AUTS2: variants seen among roughly 807,000 people sequenced by gnomAD.
AUTS2 encodes activator of transcription and developmental regulator AUTS2.
A neutral mutation model predicts 112.4 loss-of-function variants in AUTS2; 17 were observed. That is an observed-to-expected ratio of 0.15 (90% confidence interval 0.10 to 0.23). The LOEUF is 0.23. AUTS2 is among the 10% of genes least tolerant of loss of function. The pLI is 1.00. For synonymous variants in AUTS2, 751 were observed against 702.7 expected (o/e 1.07, Z -1.09); for missense variants, 1,510 against 1,701.6 (o/e 0.89, Z 1.98).
At chr7:69,985,390 A>G (rs1375224657) in intron 2 of AUTS2, among the ~76,000 whole-genome samples, 1 of 152,170 alleles carries the variant, frequency 6.6e-6, no homozygotes, top group Non-Finnish European at 1.5e-5. Flanking sequence ...TGGTACAAAC[A>G]ACGGGGTGGA....
chr7:70,442,560 G>A (rs971896329), intron 5 of AUTS2, among the ~76,000 whole-genome samples: 4 of 152,004 alleles, frequency 2.6e-5, no homozygotes, highest in East Asian at 1.9e-4. Context: ...GCGCAGTCTC[G>A]GTTCACTGAA....
intron 10 of AUTS2, 86 bp downstream of exon 10, chr7:70,768,154 C>A (rs1003898002): frequency 4.7e-6 from 6 of 1,271,686 alleles, no homozygotes; most frequent in Non-Finnish European, 6.6e-6. Flanking sequence ...TGACTAGCAG[C>A]CTTCCTTAAT....
At chr7:70,610,221 A>T (rs1804015384) in intron 5 of AUTS2, among the ~76,000 whole-genome samples, 1 of 151,548 alleles carries the variant, frequency 6.6e-6, no homozygotes, top group African/African-American at 2.4e-5. Flanking sequence ...CTGGTCTCGA[A>T]CTCCTGGCAT....
chr7:70,496,203 ACAT>A (rs1798489825), intron 5 of AUTS2, among the ~76,000 whole-genome samples: 1 of 119,950 alleles, frequency 8.3e-6, no homozygotes, highest in Non-Finnish European at 1.7e-5. Flanking sequence ...TGCACACGTC[ACAT>A]CAGCATCGAT....
intron 5 of AUTS2, among the ~76,000 whole-genome samples, chr7:70,645,453 GGTGCTGCAGCAGCCTTT>G (rs1267936968): frequency 1.3e-5 from 2 of 152,084 alleles, no homozygotes; most frequent in East Asian, 3.9e-4. Context: ...CAGATGGTCT[GGTGCTGCAGCAGCCTTT>G]CAGAATTAAT....
intron 2 of AUTS2, among the ~76,000 whole-genome samples, chr7:70,029,221 G>A (rs2129556268): frequency 6.7e-6 from 1 of 150,196 alleles, no homozygotes; most frequent in Non-Finnish European, 1.5e-5. Flanking sequence ...TCAGAGCAGT[G>A]CCAGACACAC....
intron 2 of AUTS2, among the ~76,000 whole-genome samples, chr7:70,016,606 G>A (rs1800038684): frequency 6.6e-6 from 1 of 151,788 alleles, no homozygotes; most frequent in African/African-American, 2.4e-5. Flanking sequence ...ACTCCTTTCT[G>A]CTCATACATT....
At chr7:70,090,009 C>CAAATAAATAAATAAATAAAT (rs34279658) in intron 2 of AUTS2, among the ~76,000 whole-genome samples, 2 of 144,360 alleles carry the variant, frequency 1.4e-5, no homozygotes, top group South Asian at 2.2e-4. Flanking sequence ...TGTTTCAAAA[C>CAAATAAATAAATAAATAAAT]AAATAAATAA....
intron 2 of AUTS2, among the ~76,000 whole-genome samples, chr7:69,970,892 G>T (rs1797822243): frequency 6.6e-6 from 1 of 152,192 alleles, no homozygotes; most frequent in Non-Finnish European, 1.5e-5. Flanking sequence ...TTTATTCCCT[G>T]TTGGGTGTTG....
intron 4 of AUTS2, chr7:70,290,372 C>A: frequency 6.7e-7 from 1 of 1,495,592 alleles, no homozygotes; most frequent in Admixed American, 2.7e-5. Flanking sequence ...TTTCAGAGAT[C>A]AGGGAAGATG....
chr7:70,160,420 TC>T (rs1406170484), intron 4 of AUTS2, among the ~76,000 whole-genome samples: 1 of 152,188 alleles, frequency 6.6e-6, no homozygotes, highest in Non-Finnish European at 1.5e-5. Flanking sequence ...GACTTTGATG[TC>T]AGATTTCACC....
intron 4 of AUTS2, among the ~76,000 whole-genome samples, chr7:70,296,115 A>C (rs965624509): frequency 1.3e-5 from 2 of 152,112 alleles, no homozygotes; most frequent in African/African-American, 4.8e-5. Context: ...ACTAGAACCC[A>C]TTTCTAGAGG....
At chr7:69,949,368 C>G (rs2129545777) in intron 2 of AUTS2, among the ~76,000 whole-genome samples, 1 of 152,246 alleles carries the variant, frequency 6.6e-6, no homozygotes, top group South Asian at 2.1e-4. Flanking sequence ...ACGAATCATC[C>G]CATCCAGTTC....
At position 70,579,244 on chromosome 7, in the gene AUTS2, T is replaced by TAAAAAAAAAAAAAAAAAAAAAA. The variant is rs10611601; in HGVS notation, c.691-119307_691-119306insAAAAAAAAAAAAAAAAAAAAAA. ...ATGCCCAGCCTTATATTCTCTTTTC[T>TAAAAAAAAAAAAAAAAAAAAAA]AAAAAAAAAAAAAAAAAAGATGAAG... On this transcript the variant is annotated intron_variant, in intron 5 of 18. Transcript: ENST00000342771. Among the ~76,000 whole-genome samples the TAAAAAAAAAAAAAAAAAAAAAA allele has an allele frequency of 9.3e-3, 517 of 55,744 alleles. 68 individuals are homozygous for TAAAAAAAAAAAAAAAAAAAAAA. Among genetic ancestry groups the TAAAAAAAAAAAAAAAAAAAAAA allele is most frequent in the Middle Eastern group, 0.012 (1 of 86 alleles). The allele number at this position is 55,744 out of a possible 152,430, so 36.6% of individuals were successfully genotyped here.
rs150782629 is a variant in AUTS2, at chr7:70,147,049, C to T, written c.660+12478C>T. 1.7e-4 allele frequency among the ~76,000 whole-genome samples: 26 copies of T among 152,090 alleles called. No homozygotes were observed. The East Asian group carries it at 5.0e-3, about 29-fold the overall frequency. The stretch of plus-strand genomic sequence containing the variant: ...TACAGTACACATTACCAAGTTGTTA[C>T]AATGTGGTTATTTAAATATCATTTG... On this transcript the variant is annotated intron_variant, in intron 4 of 18. Coordinates refer to ENST00000342771, the MANE Select transcript of AUTS2 (RefSeq NM_015570.4).
chr7:70,172,885 A>G (rs969089251), intron 4 of AUTS2, among the ~76,000 whole-genome samples: 1 of 152,220 alleles, frequency 6.6e-6, no homozygotes, highest in South Asian at 2.1e-4. Flanking sequence ...CACAATTTGT[A>G]AACTTTTCTC....
In AUTS2 at chr7:70,224,361, A is replaced by G. The variant is rs199649516; in HGVS notation, c.660+89790A>G. Among the ~76,000 whole-genome samples, 295 of 143,186 alleles carry G rather than the reference A, an allele frequency of 2.1e-3. 3 individuals are homozygous for G. Among genetic ancestry groups the G allele is most frequent in the South Asian group, 4.3e-3 (18 of 4,222 alleles). The allele number at this position is 143,186 out of a possible 152,430, so 93.9% of individuals were successfully genotyped here. A position where few individuals can be genotyped will look rare whatever the true frequency, so the allele number is the denominator to read the frequency against. ...ATACAATACAATACAATACAATACA[A>G]TACAATACAATACAATACAATACAA... On this transcript the variant is annotated intron_variant, in intron 4 of 18. Coordinates refer to ENST00000342771, the MANE Select transcript of AUTS2 (RefSeq NM_015570.4).
intron 4 of AUTS2, among the ~76,000 whole-genome samples, chr7:70,219,110 G>C (rs944438366): frequency 1.3e-5 from 2 of 152,152 alleles, no homozygotes; most frequent in African/African-American, 2.4e-5. Flanking sequence ...ACACAAAGTA[G>C]TATTTTTCTC....
In AUTS2 at chr7:70,789,815, G is replaced by A. The variant is rs200504524; in HGVS notation, c.2599G>A (p.Gly867Arg). Residue 867 changes from glycine (G) to arginine (R), a missense_variant, in exon 19 of 19, where the codon GGA becomes AGA. Coordinates refer to ENST00000342771, the MANE Select transcript of AUTS2 (RefSeq NM_015570.4). ...PAPVLPVNAL[G>R]HTRSSTEQIR... ...ACCTGTCCTCCCGGTGAATGCCCTGGGACATACCCGCAGCTCCACTGAACA... is the reference window on the plus strand; with the variant it reads ...ACCTGTCCTCCCGGTGAATGCCCTGAGACATACCCGCAGCTCCACTGAACA... 3.0e-5 allele frequency: 48 copies of A among 1,614,120 alleles called. No individual in the cohort carries two copies. Among genetic ancestry groups the A allele is most frequent in the Non-Finnish European group, 1.1e-5 (13 of 1,180,008 alleles).
Sources: allele counts gnomAD v4.1 joint callset (sites outside exome capture counted in the v4.1 genomes callset), GRCh38; gene constraint gnomAD v4.1.1; transcripts MANE v1.5; gene names NCBI Gene and HGNC (gene_info 2026-07-23, HGNC 2026-07-21).